ZSWIM5: variants seen among roughly 807,000 people sequenced by gnomAD.
ZSWIM5 encodes zinc finger SWIM-type containing 5.
Under a neutral mutation model 119.6 loss-of-function variants are expected in ZSWIM5, and 55 were observed. The ratio of observed to expected loss-of-function variants is 0.46; its 90% CI spans 0.37 to 0.58. The LOEUF (loss-of-function observed/expected upper bound fraction) is 0.58. ZSWIM5 is among the 20% of genes least tolerant of loss of function. The pLI, the probability that ZSWIM5 is intolerant of heterozygous loss-of-function variation, is 0.00. For missense variants in ZSWIM5, 1,193 were observed against 1,512.8 expected (o/e 0.79, Z 3.51); for synonymous variants, 537 against 606.9 (o/e 0.88, Z 1.69).
chr1:45,087,255 T>C (rs1439114158), intron 2 of ZSWIM5, among the ~76,000 whole-genome samples: 1 of 152,204 alleles, frequency 6.6e-6, no homozygotes, highest in East Asian at 1.9e-4. Context: ...AAAACAAGCA[T>C]TTGTTTCAGA....
chr1:45,129,157 T>G (rs1200483604), intron 1 of ZSWIM5, among the ~76,000 whole-genome samples: 9 of 136,268 alleles, frequency 6.6e-5, no homozygotes, highest in African/African-American at 2.7e-4. Flanking sequence ...CATCTTGTTT[T>G]TTTTTTTTTT....
At chr1:45,167,723 A>C (rs375979013) in intron 1 of ZSWIM5, among the ~76,000 whole-genome samples, 1 of 152,160 alleles carries the variant, frequency 6.6e-6, no homozygotes, top group African/African-American at 2.4e-5. Flanking sequence ...CACATGAAAA[A>C]ATGCTCATCA....
intron 11 of ZSWIM5, among the ~76,000 whole-genome samples, chr1:45,024,179 T>TTTCTC (rs1316784743): frequency 3.6e-5 from 4 of 110,554 alleles, no homozygotes; most frequent in Non-Finnish European, 8.2e-5. Flanking sequence ...ACAGTTTTTC[T>TTTCTC]TTCTTTTCTT....
chr1:45,204,577 ATTACT>A (rs1398680715), intron 1 of ZSWIM5, among the ~76,000 whole-genome samples: 1 of 152,178 alleles, frequency 6.6e-6, no homozygotes, highest in African/African-American at 2.4e-5. Context: ...CCAGAAGCAG[ATTACT>A]TTATATGAAA....
At chr1:45,170,898 T>C (rs934525488) in intron 1 of ZSWIM5, among the ~76,000 whole-genome samples, 5 of 152,110 alleles carry the variant, frequency 3.3e-5, no homozygotes, top group African/African-American at 1.2e-4. Context: ...AATGACTTTT[T>C]ATTAAATTAA....
At chr1:45,193,187 A>AT (rs1326414744) in intron 1 of ZSWIM5, among the ~76,000 whole-genome samples, 1 of 152,166 alleles carries the variant, frequency 6.6e-6, no homozygotes, top group African/African-American at 2.4e-5. Flanking sequence ...GGCCATACTG[A>AT]TTAAGTTCTG....
chr1:45,166,990 C>A (rs1187958245), intron 1 of ZSWIM5, among the ~76,000 whole-genome samples: 2 of 151,986 alleles, frequency 1.3e-5, no homozygotes, highest in Admixed American at 6.6e-5. Context: ...TCAGACGGAA[C>A]CAAAAAAAGA....
intron 2 of ZSWIM5, among the ~76,000 whole-genome samples, chr1:45,062,079 G>C (rs1645155254): frequency 6.6e-6 from 1 of 152,128 alleles, no homozygotes; most frequent in Non-Finnish European, 1.5e-5. Context: ...AACAGAGTGA[G>C]ACCCTGTCTC....
intron 1 of ZSWIM5, among the ~76,000 whole-genome samples, chr1:45,189,995 TCAC>T (rs1646081665): frequency 1.3e-5 from 2 of 151,970 alleles, no homozygotes; most frequent in African/African-American, 2.4e-5. Context: ...CTGAGAAACG[TCAC>T]AGTAACTAGG....
At chr1:45,139,186 T>A (rs1230010619) in intron 1 of ZSWIM5, among the ~76,000 whole-genome samples, 1 of 151,642 alleles carries the variant, frequency 6.6e-6, no homozygotes, top group Non-Finnish European at 1.5e-5. Context: ...CGGCCCTTTT[T>A]TCCGTTTTTT....
At chr1:45,113,539 G>C (rs1482486671) in intron 1 of ZSWIM5, among the ~76,000 whole-genome samples, 1 of 152,126 alleles carries the variant, frequency 6.6e-6, no homozygotes, top group Non-Finnish European at 1.5e-5. Flanking sequence ...GTCATGATCA[G>C]ATCTATGTTT....
chr1:45,087,294 G>T (rs571051390), intron 2 of ZSWIM5, among the ~76,000 whole-genome samples: 1 of 152,300 alleles, frequency 6.6e-6, no homozygotes, highest in Non-Finnish European at 1.5e-5. Flanking sequence ...TAGGTTATAA[G>T]CTACTTTAAG....
At chr1:45,069,234 G>A (rs1645205434) in intron 2 of ZSWIM5, among the ~76,000 whole-genome samples, 1 of 152,020 alleles carries the variant, frequency 6.6e-6, no homozygotes, top group Admixed American at 6.6e-5. Flanking sequence ...AGACCATCCT[G>A]GCTAACACGG....
At chr1:45,058,944 C>T (rs1645138312) in intron 3 of ZSWIM5, among the ~76,000 whole-genome samples, 185 bp from the exon 4 acceptor site, 2 of 152,094 alleles carry the variant, frequency 1.3e-5, no homozygotes, top group African/African-American at 4.8e-5. Flanking sequence ...CTGATGTTCA[C>T]AATAAGATAC....
intron 2 of ZSWIM5, among the ~76,000 whole-genome samples, chr1:45,086,881 ATTTTTTT>A (rs377217727): frequency 2.3e-5 from 3 of 131,958 alleles, no homozygotes; most frequent in East Asian, 2.1e-4. Context: ...TTCTTCTTAA[ATTTTTTT>A]TTTTTTTTTT....
intron 11 of ZSWIM5, among the ~76,000 whole-genome samples, chr1:45,029,162 C>T (rs948655892): frequency 4.6e-5 from 7 of 152,226 alleles, no homozygotes; most frequent in African/African-American, 1.7e-4. Flanking sequence ...CCACCGACCT[C>T]ATTCAAGTTC....
At chr1:45,160,626 G>A (rs990300983) in intron 1 of ZSWIM5, among the ~76,000 whole-genome samples, 13 of 151,110 alleles carry the variant, frequency 8.6e-5, no homozygotes, top group Admixed American at 1.3e-4. Context: ...TCTTATGGCC[G>A]AATAGTATTT....
intron 1 of ZSWIM5, among the ~76,000 whole-genome samples, chr1:45,182,516 G>A: frequency 6.6e-6 from 1 of 152,078 alleles, no homozygotes; most frequent in East Asian, 1.9e-4. Context: ...CTCACGTGCA[G>A]AGACACACAT....
intron 1 of ZSWIM5, among the ~76,000 whole-genome samples, chr1:45,117,480 G>A (rs1446890563): frequency 1.3e-5 from 2 of 152,144 alleles, no homozygotes; most frequent in Non-Finnish European, 2.9e-5. Flanking sequence ...TTTGAGACCA[G>A]CCCTGGCAAC....
Sources: allele counts gnomAD v4.1 joint callset (sites outside exome capture counted in the v4.1 genomes callset), GRCh38; gene constraint gnomAD v4.1.1; transcripts MANE v1.5; gene names NCBI Gene and HGNC (gene_info 2026-07-23, HGNC 2026-07-21).